PARP4: variants seen among roughly 807,000 people sequenced by gnomAD.
The protein encoded by PARP4 is protein mono-ADP-ribosyltransferase PARP4.
PARP4 carries 120 observed loss-of-function variants against 187.7 expected under a neutral mutation model. The observed-to-expected ratio is 0.64, with a 90% CI of 0.55 to 0.74. The LOEUF is 0.74. Ranked by LOEUF, PARP4 falls within the 30% of genes least tolerant of loss-of-function variation. The probability of loss-of-function intolerance (pLI) is 0.00; values close to 1 mark genes in which losing one functional copy is unlikely to be tolerated. For synonymous variants in PARP4, 654 were observed against 740.9 expected, an observed-to-expected ratio of 0.88 and a Z score of 1.90; for missense variants, 1,836 against 2,070.5, an observed-to-expected ratio of 0.89 and a Z score of 2.20.
chr13:24,486,338 C>T (rs746795353), intron 10 of PARP4, 33 bp from the exon 11 acceptor site: 7 of 1,447,758 alleles, frequency 4.8e-6, no homozygotes, highest in South Asian at 1.2e-5. Flanking sequence ...CTTTAGATTA[C>T]ATAATTGGAA....
At chr13:24,476,139 T>C (rs1386105059) in intron 14 of PARP4, among the ~76,000 whole-genome samples, 1 of 151,812 alleles carries the variant, frequency 6.6e-6, no homozygotes, top group Non-Finnish European at 1.5e-5. Context: ...TTTTTTCTTC[T>C]TTTCTTTTTT....
chr13:24,456,766 GGT>G (rs1871878652), intron 20 of PARP4, among the ~76,000 whole-genome samples: 1 of 152,056 alleles, frequency 6.6e-6, no homozygotes, highest in Non-Finnish European at 1.5e-5. Context: ...TGGGCGTAAT[GGT>G]GGGCACCTGT....
At chr13:24,505,910 C>G (rs113374852) in intron 1 of PARP4, among the ~76,000 whole-genome samples, 7 of 152,218 alleles carry the variant, frequency 4.6e-5, no homozygotes, top group Middle Eastern at 6.3e-3. Context: ...CCGCGGCCCA[C>G]GCGTCTTGGG....
At position 24,446,675 on chromosome 13, in the gene PARP4, T is replaced by A. The variant is rs1267938038; in HGVS notation, c.3366+6A>T. 1.3e-6 allele frequency: 2 copies of A among 1,538,072 alleles called. No individual in the cohort carries two copies. Among genetic ancestry groups the A allele is most frequent in the Non-Finnish European group, 1.8e-6 (2 of 1,110,572 alleles). ...ATGGGTTGATAGTTTAGGTTTTGAA[T>A]CTTACAGTTCCAGTTGTCTTCTGAA... On this transcript the variant is annotated splice_donor_region_variant and intron_variant, in intron 27 of 33. Transcript: ENST00000381989.
At chr13:24,452,792 C>T (rs564367992) in intron 23 of PARP4, among the ~76,000 whole-genome samples, 199 bp from the exon 24 acceptor site, 19 of 152,246 alleles carry the variant, frequency 1.2e-4, no homozygotes, top group African/African-American at 4.1e-4. Flanking sequence ...TATCACCTCA[C>T]GCTTATTTGA....
intron 1 of PARP4, among the ~76,000 whole-genome samples, chr13:24,504,307 CTTTTTTTT>C (rs11434017): frequency 1.9e-4 from 17 of 87,354 alleles, no homozygotes; most frequent in Admixed American, 5.0e-4. Context: ...CATTTAGGTT[CTTTTTTTT>C]TTTTTTTTTT....
intron 30 of PARP4, among the ~76,000 whole-genome samples, chr13:24,437,212 A>C (rs1429824206): frequency 6.6e-5 from 10 of 152,246 alleles, no homozygotes; most frequent in Middle Eastern, 3.4e-3. Context: ...GCTAGGATAA[A>C]TTTCAATCAG....
At chr13:24,442,918 ATTCT>A (rs1339852720) in intron 28 of PARP4, among the ~76,000 whole-genome samples, 5 of 151,976 alleles carry the variant, frequency 3.3e-5, no homozygotes, top group Non-Finnish European at 7.4e-5. Context: ...GGGCTTTCTC[ATTCT>A]TTCACAGTCT....
intron 30 of PARP4, among the ~76,000 whole-genome samples, chr13:24,435,802 G>A (rs936020375): frequency 6.6e-6 from 1 of 151,852 alleles, no homozygotes; most frequent in Non-Finnish European, 1.5e-5. Context: ...TGTAGTCCCA[G>A]CCACCTGGGA....
chr13:24,444,090 C>T (rs1280480812), intron 27 of PARP4, among the ~76,000 whole-genome samples: 2 of 152,242 alleles, frequency 1.3e-5, no homozygotes, highest in African/African-American at 4.8e-5. Flanking sequence ...GAAGAGCCAC[C>T]TTGGCCCTGG....
intron 18 of PARP4, 124 bp downstream of exon 18, chr13:24,459,848 T>A (rs1872110300): frequency 1.4e-6 from 1 of 733,326 alleles, no homozygotes. Flanking sequence ...GTCAGTAAAA[T>A]TAACTTTATG....
At chr13:24,508,846 C>T (rs565226878) in intron 1 of PARP4, among the ~76,000 whole-genome samples, 27 of 152,286 alleles carry the variant, frequency 1.8e-4, no homozygotes, top group Middle Eastern at 3.4e-3. Context: ...ATTGACATCA[C>T]ACTACCTATC....
chr13:24,482,331 A>G (rs1003230129), intron 12 of PARP4, among the ~76,000 whole-genome samples: 4 of 151,968 alleles, frequency 2.6e-5, no homozygotes, highest in Non-Finnish European at 4.4e-5. Context: ...CTTAGTGGAC[A>G]AAGCAGCAGC....
At chr13:24,487,456 A>G (rs1168522191) in intron 10 of PARP4, among the ~76,000 whole-genome samples, 4 of 152,146 alleles carry the variant, frequency 2.6e-5, no homozygotes, top group Admixed American at 2.6e-4. Context: ...ATCTGGAAGG[A>G]CACTGTAGAC....
intron 32 of PARP4, among the ~76,000 whole-genome samples, chr13:24,430,962 T>C (rs1262535866): frequency 7.2e-5 from 11 of 152,338 alleles, no homozygotes. Flanking sequence ...TGTTCTTCTC[T>C]CTTACCAGGA....
rs776131933 is a variant in PARP4, at chr13:24,500,308, TA to T, written c.401+7del. 14 of 1,550,118 alleles carry T rather than the reference TA, an allele frequency of 9.0e-6. No homozygotes were observed. In the South Asian group the frequency reaches 1.5e-4, roughly 17 times the overall value. On this transcript the variant is annotated splice_region_variant and intron_variant, in intron 4 of 33. Coordinates refer to ENST00000381989, the MANE Select transcript of PARP4 (RefSeq NM_006437.4). ...TAGAGTCCCAGGAATCAGAAAGAAG[TA>T]AATTACTCAGTGAGTTCCACAGTGT...
Position 24,475,024 on chromosome 13 carries a change from C to T in PARP4, c.1914+448G>A, listed in dbSNP as rs141869924. Among the ~76,000 whole-genome samples, 1,244 of 152,274 alleles carry T rather than the reference C, an allele frequency of 8.2e-3. 61 individuals are homozygous for T. Among genetic ancestry groups the T allele is most frequent in the Admixed American group, 0.074 (1,128 of 15,290 alleles). On this transcript the variant is annotated intron_variant, in intron 15 of 33. Coordinates refer to ENST00000381989, the MANE Select transcript of PARP4 (RefSeq NM_006437.4). ...TTCCCGCTGCCTGGAATAAGCATCC[C>T]CTGACGTCCACACAGTTTAGCCCCC...
At chr13:24,494,810 T>C in intron 6 of PARP4, 88 bp from the exon 7 acceptor site, 1 of 791,596 alleles carries the variant, frequency 1.3e-6, no homozygotes, top group Non-Finnish European at 2.0e-6. Context: ...GTCCTTGACA[T>C]GAAGAAGCTT....
At position 24,469,894 on chromosome 13, in the gene PARP4, C is replaced by A. The variant is rs202133401; in HGVS notation, c.2046G>T (p.Glu682Asp). Residue 682 changes from glutamate (E) to aspartate (D), a missense_variant and splice_region_variant, in exon 16 of 34, where the codon GAG becomes GAT. This residue lies in a region of PARP4 where 1,147 missense variants were observed against 1,214.2 expected (regional missense o/e 0.94). Coordinates refer to ENST00000381989, the MANE Select transcript of PARP4 (RefSeq NM_006437.4). ...AFINGKHIVG[E>D]IKEKEEAQQE... The stretch of plus-strand genomic sequence containing the variant: ...GGCACGATGCATCTTCTTGCCTTAC[C>A]TCTCCAACTATGTGCTTCCCATTGA... The A allele has an allele frequency of 7.4e-6, 12 of 1,612,214 alleles. No individual in the cohort carries two copies. Among genetic ancestry groups the A allele is most frequent in the Non-Finnish European group, 1.0e-5 (12 of 1,179,150 alleles).
Sources: allele counts gnomAD v4.1 joint callset (sites outside exome capture counted in the v4.1 genomes callset), GRCh38; gene constraint gnomAD v4.1.1; regional missense constraint gnomAD v4.1.1; transcripts MANE v1.5; gene names NCBI Gene and HGNC (gene_info 2026-07-23, HGNC 2026-07-21).